GUCY2C: variants seen among roughly 807,000 people sequenced by gnomAD.
GUCY2C encodes the protein guanylate cyclase 2C.
Under a neutral mutation model 131.1 loss-of-function variants are expected in GUCY2C, and 118 were observed. The observed-to-expected ratio is 0.90, with a 90% CI of 0.78 to 1.05. The LOEUF (loss-of-function observed/expected upper bound fraction) is 1.05. Ranked by LOEUF, GUCY2C falls within the 50% of genes least tolerant of loss-of-function variation. GUCY2C has a pLI of 0.00. For synonymous variants in GUCY2C, 452 were observed against 457.8 expected (o/e 0.99, Z 0.16); for missense variants, 1,161 against 1,304.4 (o/e 0.89, Z 1.69).
chr12:14,651,581 A>C (rs545105773), intron 14 of GUCY2C, 70 bp from the exon 15 acceptor site: 3 of 786,418 alleles, frequency 3.8e-6, no homozygotes, highest in African/African-American at 1.7e-5. Flanking sequence ...TTAATATGCC[A>C]ATAAAATGTG....
intron 4 of GUCY2C, among the ~76,000 whole-genome samples, chr12:14,681,787 T>C (rs1323309357): frequency 5.3e-5 from 8 of 152,172 alleles, no homozygotes; most frequent in Admixed American, 3.9e-4. Context: ...TGATTTAAAG[T>C]GAGTTGTCAT....
At chr12:14,627,854 C>T (rs1027360763) in intron 20 of GUCY2C, among the ~76,000 whole-genome samples, 2 of 152,186 alleles carry the variant, frequency 1.3e-5, no homozygotes, top group African/African-American at 2.4e-5. Flanking sequence ...AATGACCACA[C>T]GTTCATTAAC....
intron 10 of GUCY2C, among the ~76,000 whole-genome samples, chr12:14,667,756 A>G (rs998751906): frequency 1.3e-5 from 2 of 152,198 alleles, no homozygotes; most frequent in South Asian, 2.1e-4. Context: ...GAAAAATAGA[A>G]TAAAGCAAAA....
At chr12:14,647,524 C>G (rs1208535360) in intron 15 of GUCY2C, among the ~76,000 whole-genome samples, 1 of 152,064 alleles carries the variant, frequency 6.6e-6, no homozygotes, top group Non-Finnish European at 1.5e-5. Flanking sequence ...GAAATATTTC[C>G]ACCCTGAATG....
chr12:14,689,415 TAGAG>T (rs1948536498), intron 1 of GUCY2C, among the ~76,000 whole-genome samples: 1 of 152,080 alleles, frequency 6.6e-6, no homozygotes, highest in Non-Finnish European at 1.5e-5. Context: ...CACTTCTAGA[TAGAG>T]AGGACACTAA....
At chr12:14,649,288 T>C (rs561652719) in intron 15 of GUCY2C, among the ~76,000 whole-genome samples, 5 of 152,326 alleles carry the variant, frequency 3.3e-5, no homozygotes, top group Admixed American at 3.3e-4. Context: ...TACTATATCA[T>C]AATATTACAT....
chr12:14,693,476 A>G (rs1366787471), intron 1 of GUCY2C, among the ~76,000 whole-genome samples: 2 of 152,214 alleles, frequency 1.3e-5, no homozygotes, highest in East Asian at 1.9e-4. Context: ...ATTCCTAAAA[A>G]AAATATTGAT....
chr12:14,677,366 T>C (rs1438414318), intron 6 of GUCY2C, among the ~76,000 whole-genome samples: 1 of 152,172 alleles, frequency 6.6e-6, no homozygotes, highest in Non-Finnish European at 1.5e-5. Flanking sequence ...TCACTAAACT[T>C]ATGTTTTAGA....
At chr12:14,616,303 G>C (rs938592482) in intron 25 of GUCY2C, among the ~76,000 whole-genome samples, 1 of 152,096 alleles carries the variant, frequency 6.6e-6, no homozygotes, top group Non-Finnish European at 1.5e-5. Context: ...GGAAGTAAGT[G>C]GGGGGACAAG....
At chr12:14,660,514 G>A (rs1456871555) in intron 11 of GUCY2C, among the ~76,000 whole-genome samples, 1 of 152,140 alleles carries the variant, frequency 6.6e-6, no homozygotes, top group African/African-American at 2.4e-5. Flanking sequence ...AGGAGATTTG[G>A]AATAAATTGT....
At chr12:14,619,362 G>A (rs543977425) in intron 23 of GUCY2C, 53 bp from the exon 24 acceptor site, 237 of 1,111,968 alleles carry the variant, frequency 2.1e-4, no homozygotes, top group Non-Finnish European at 3.0e-4. Context: ...TTGCAGAGTA[G>A]AGTGAAGACA....
In GUCY2C at chr12:14,676,864, T is replaced by C. The variant is rs765925902; in HGVS notation, c.938A>G (p.Asn313Ser). The C allele has an allele frequency of 5.3e-6, 7 of 1,322,580 alleles. No homozygotes were observed. Among genetic ancestry groups the C allele is most frequent in the Admixed American group, 3.7e-5 (2 of 54,008 alleles). 81.9% of individuals were successfully genotyped at this position (1,322,580 alleles called of 1,614,324 possible). Residue 313 changes from asparagine (N) to serine (S), a missense_variant, in exon 7 of 27, where the codon AAT becomes AGT. Transcript: ENST00000261170. The stretch of plus-strand genomic sequence containing the variant: ...AAAATAATAGCTTACTGGTGATAGA[T>C]TCCTGGAGAAAGAGCTATTTAGAAG... ...NSLLNSSFSR[N>S]LSPTKRDFAL...
At chr12:14,664,944 T>C (rs1309751300) in intron 10 of GUCY2C, among the ~76,000 whole-genome samples, 1 of 152,168 alleles carries the variant, frequency 6.6e-6, no homozygotes, top group Non-Finnish European at 1.5e-5. Context: ...GGGGGCGCGG[T>C]GTCTCACACC....
intron 16 of GUCY2C, 139 bp from the exon 17 acceptor site, chr12:14,643,845 T>C: frequency 1.4e-6 from 1 of 718,480 alleles, no homozygotes. Context: ...CCCACTATTT[T>C]TACCTTAACA....
In GUCY2C at chr12:14,652,096, A is replaced by T. The variant is rs1195599945; in HGVS notation, c.1534-66T>A. On this transcript the variant is annotated intron_variant, in intron 13 of 26. Transcript: ENST00000261170. Reference sequence around the variant, plus strand: ...TAACTCTTTACATGCATATTATAACAGTTTGTTTGTGTGTCTCACTAGACT... The same window carrying T: ...TAACTCTTTACATGCATATTATAACTGTTTGTTTGTGTGTCTCACTAGACT... The T allele has an allele frequency of 3.6e-6, 3 of 839,348 alleles. No individual in the cohort carries two copies. The African/African-American group carries it at 5.0e-5, about 14-fold the overall frequency. 52.0% of individuals were successfully genotyped at this position (839,348 alleles called of 1,614,324 possible).
Position 14,686,173 on chromosome 12 carries a change from G to A in GUCY2C, c.383C>T (p.Thr128Ile), listed in dbSNP as rs1387050845. Residue 128 changes from threonine to isoleucine, a missense_variant, in exon 3 of 27, where the codon ACC becomes ATC. Thr to Ile is a moderately conservative substitution (Grantham distance 89, BLOSUM62 -1). Coordinates refer to ENST00000261170, the MANE Select transcript of GUCY2C (RefSeq NM_004963.4). ...TAGTATTACTTACTACATCTGGAAGGTGGAGTATGTACATGAGGGCCCTAT... is the reference window on the plus strand; with the variant it reads ...TAGTATTACTTACTACATCTGGAAGATGGAGTATGTACATGAGGGCCCTAT... ...VLIGPSCTYS[T>I]FQMYLDTELS... The A allele has an allele frequency of 6.3e-7, 1 of 1,592,746 alleles. No homozygotes were observed. Among genetic ancestry groups the A allele is most frequent in the Non-Finnish European group, 8.6e-7 (1 of 1,160,652 alleles).
chr12:14,664,386 C>G (rs887976346), intron 10 of GUCY2C, among the ~76,000 whole-genome samples: 7 of 152,044 alleles, frequency 4.6e-5, no homozygotes, highest in African/African-American at 1.7e-4. Context: ...TTGCACATCC[C>G]CTAGACTAGA....
Position 14,696,397 on chromosome 12 carries a change from C to A in GUCY2C, c.52G>T (p.Gly18Trp), listed in dbSNP as rs780575858. 8.1e-6 allele frequency: 13 copies of A among 1,613,968 alleles called. No homozygotes were observed. Among genetic ancestry groups the A allele is most frequent in the Non-Finnish European group, 1.0e-5 (12 of 1,180,004 alleles). Residue 18 changes from glycine (G) to tryptophan (W), a missense_variant, in exon 1 of 27, where the codon GGG (glycine) becomes TGG (tryptophan). Physicochemically the swap from Gly to Trp is radical, Grantham distance 184 (BLOSUM62 -2). Coordinates refer to ENST00000261170, the MANE Select transcript of GUCY2C (RefSeq NM_004963.4). ...LALWSLLFQPGWLSFSSQVSQ... is the reference protein window; with the variant it reads ...LALWSLLFQPWWLSFSSQVSQ... ...ACCTGGGAACTAAAGGACAGCCACC[C>A]GGGCTGGAAGAGCAGTGACCACAAA...
At chr12:14,658,905 A>C (rs1373144354) in intron 11 of GUCY2C, among the ~76,000 whole-genome samples, 3 of 151,646 alleles carry the variant, frequency 2.0e-5, no homozygotes, top group Non-Finnish European at 4.4e-5. Flanking sequence ...ATTTTCATTT[A>C]TATAATGCTT....
Sources: gnomAD v4.1 joint callset for allele counts (sites outside exome capture counted in the v4.1 genomes callset) on GRCh38, gnomAD v4.1.1 for gene constraint, MANE v1.5 for transcripts, NCBI Gene and HGNC (gene_info 2026-07-23, HGNC 2026-07-21) for gene names.